Variants in TTPA observed in about 807,000 individuals in gnomAD.
TTPA encodes the protein alpha-tocopherol transfer protein.
In TTPA, 23 loss-of-function variants were observed where a neutral mutation model predicts 25.9. The observed-to-expected ratio is 0.89, with a 90% confidence interval of 0.64 to 1.26. The LOEUF is 1.26. Among genes scored for constraint, TTPA ranks in the 50% most tolerant of loss-of-function variants. The probability of loss-of-function intolerance (pLI) is 0.00; values close to 1 mark genes in which losing one functional copy is unlikely to be tolerated. For synonymous variants in TTPA, 148 were observed against 137.3 expected (o/e 1.08, Z -0.54); for missense variants, 337 against 353.1 (o/e 0.95, Z 0.37).
At chr8:63,070,008 G>A (rs1805459302) in intron 2 of TTPA, among the ~76,000 whole-genome samples, 1 of 152,168 alleles carries the variant, frequency 6.6e-6, no homozygotes, top group Non-Finnish European at 1.5e-5. Context: ...CTGATAGATT[G>A]ATTTAATGCT....
At chr8:63,064,461 G>C in intron 3 of TTPA, 145 bp from the exon 4 acceptor site, 4 of 630,042 alleles carry the variant, frequency 6.3e-6, no homozygotes, top group Non-Finnish European at 1.1e-5. Flanking sequence ...TATTCCATCA[G>C]CACAAAAGCC....
intron 2 of TTPA, among the ~76,000 whole-genome samples, chr8:63,067,793 G>C (rs1563362024): frequency 6.6e-6 from 1 of 152,038 alleles, no homozygotes; most frequent in Non-Finnish European, 1.5e-5. Flanking sequence ...GTCATCTCCA[G>C]TGTCTACTGT....
At chr8:63,076,576 T>A (rs1477345816) in intron 1 of TTPA, among the ~76,000 whole-genome samples, 2 of 152,192 alleles carry the variant, frequency 1.3e-5, no homozygotes, top group Admixed American at 1.3e-4. Context: ...CATGGTACAA[T>A]GAAAACAATT....
intron 1 of TTPA, among the ~76,000 whole-genome samples, chr8:63,074,278 A>C (rs1291864464): frequency 6.6e-6 from 1 of 152,236 alleles, no homozygotes; most frequent in Non-Finnish European, 1.5e-5. Context: ...GGAGGAAGAC[A>C]GAAACTGAGT....
rs537864897 is a variant in TTPA at position 63,063,448 on chromosome 8, T to TA, written c.663+757dup. Among the ~76,000 whole-genome samples the TA allele has an allele frequency of 5.6e-3, 855 of 152,280 alleles. 9 individuals carry two copies. The highest frequency in any genetic ancestry group is 0.02 in the African/African-American group (829 of 41,572). On this transcript the variant is annotated intron_variant, in intron 4 of 4. Transcript: ENST00000260116. ...TACCTCAGTTACCGTGGTTCTCAGT[T>TA]ACACTGAAACCGTTAAGTAGGCTTC...
chr8:63,065,924 T>C lies in TTPA; in HGVS notation c.532A>G (p.Lys178Glu). ...TTTACCGTAAGTACAGCAGCAATCT[T>C]CTTGGCTACGGATGGAGTGATTTGA... ...AFQITPSVAKKIAAVLTDSFP... is the reference protein window; with the variant it reads ...AFQITPSVAKEIAAVLTDSFP... The change falls in exon 3 of 5, where the codon AAG (lysine) becomes GAG (glutamate). Residue 178 changes from lysine (K) to glutamate (E), a missense_variant. Lys to Glu is a moderately conservative substitution (Grantham distance 56). Transcript: ENST00000260116. The C allele has an allele frequency of 1.9e-6, 3 of 1,614,118 alleles. No individual in the cohort carries two copies. The highest frequency in any genetic ancestry group is 1.1e-5 in the South Asian group (1 of 91,082).
chr8:63,074,896 A>G (rs537823880), intron 1 of TTPA, among the ~76,000 whole-genome samples: 82 of 152,324 alleles, frequency 5.4e-4, no homozygotes, highest in African/African-American at 1.9e-3. Context: ...CTGCACACCC[A>G]GGAGATAACA....
rs770760719 is a variant in TTPA, at chr8:63,065,927, T to G, written c.529A>C (p.Lys177Gln). Reference protein sequence around the residue: ...HAFQITPSVAKKIAAVLTDSF... With the variant: ...HAFQITPSVAQKIAAVLTDSF... ...ACCGTAAGTACAGCAGCAATCTTCT[T>G]GGCTACGGATGGAGTGATTTGAAAA... Residue 177 changes from lysine (K) to glutamine (Q), a missense_variant, in exon 3 of 5, where the codon AAG (lysine) becomes CAG (glutamine). Lys to Gln is a moderately conservative substitution (Grantham distance 53, BLOSUM62 1). Coordinates refer to ENST00000260116, the MANE Select transcript of TTPA (RefSeq NM_000370.3). The G allele has an allele frequency of 6.2e-7, 1 of 1,614,112 alleles. No homozygotes were observed. Among genetic ancestry groups the G allele is most frequent in the South Asian group, 1.1e-5 (1 of 91,086 alleles).
chr8:63,062,004 A>AGTTG (rs1805314161), intron 4 of TTPA, among the ~76,000 whole-genome samples: 2 of 152,060 alleles, frequency 1.3e-5, no homozygotes, highest in Admixed American at 1.3e-4. Flanking sequence ...GGAGTTCAAC[A>AGTTG]CCAGCCTGGG....
intron 1 of TTPA, among the ~76,000 whole-genome samples, chr8:63,073,596 A>G (rs181387266): frequency 5.6e-4 from 86 of 152,324 alleles, no homozygotes; most frequent in Non-Finnish European, 1.0e-3. Context: ...TTGAGAGGAC[A>G]TCCTGGATAG....
Position 63,061,554 on chromosome 8 carries a change from T to G in TTPA, c.664-129A>C. ...GTATAAATAGATACCACATCCTTTA[T>G]TCCTCTGGTTATGAATCTAATAATT... On this transcript the variant is annotated intron_variant, in intron 4 of 4. Transcript: ENST00000260116. 4 of 757,350 alleles carry G rather than the reference T, an allele frequency of 5.3e-6. No individual in the cohort carries two copies. In the South Asian group the frequency reaches 6.8e-5, roughly 13 times the overall value. 46.9% of individuals were successfully genotyped at this position (757,350 alleles called of 1,614,324 possible).
intron 2 of TTPA, among the ~76,000 whole-genome samples, chr8:63,071,680 C>T (rs776008712): frequency 2.0e-5 from 3 of 152,060 alleles, no homozygotes; most frequent in Non-Finnish European, 4.4e-5. Context: ...ATGATGAGGT[C>T]ATGAGGATGG....
intron 2 of TTPA, among the ~76,000 whole-genome samples, chr8:63,067,926 T>C (rs1184633669): frequency 6.6e-6 from 1 of 152,214 alleles, no homozygotes. Flanking sequence ...TGCATCCCTG[T>C]TGCTGCAAAG....
At chr8:63,075,090 G>A (rs778001544) in intron 1 of TTPA, among the ~76,000 whole-genome samples, 9 of 152,130 alleles carry the variant, frequency 5.9e-5, no homozygotes, top group Non-Finnish European at 1.0e-4. Flanking sequence ...CAGTATAGCT[G>A]TCATAAATAA....
chr8:63,068,305 G>T (rs937290895), intron 2 of TTPA, among the ~76,000 whole-genome samples: 5 of 152,148 alleles, frequency 3.3e-5, no homozygotes, highest in Admixed American at 3.3e-4. Flanking sequence ...AGTAGAAGAG[G>T]AAATGCCAGA....
chr8:63,083,187 C>A (rs537341254), intron 1 of TTPA, among the ~76,000 whole-genome samples: 6 of 152,278 alleles, frequency 3.9e-5, no homozygotes, highest in African/African-American at 1.4e-4. Context: ...CACATGCACA[C>A]GTATGTTTAC....
rs553649660 is a variant in TTPA at position 63,062,296 on chromosome 8, T to C, written c.664-871A>G. The stretch of plus-strand genomic sequence containing the variant: ...ATATTTTAAACTATAAAATTGATCA[T>C]AGAATGCCCTGAAGTTAAGAGAAAG... On this transcript the variant is annotated intron_variant, in intron 4 of 4. Coordinates refer to ENST00000260116, the MANE Select transcript of TTPA (RefSeq NM_000370.3). 2.0e-5 allele frequency among the ~76,000 whole-genome samples: 3 copies of C among 152,270 alleles called. No individual in the cohort carries two copies. In the South Asian group the frequency reaches 6.2e-4, roughly 32 times the overall value.
chr8:63,079,885 T>A (rs1805633224), intron 1 of TTPA, among the ~76,000 whole-genome samples: 1 of 152,152 alleles, frequency 6.6e-6, no homozygotes, highest in Non-Finnish European at 1.5e-5. Flanking sequence ...CAGCACCACA[T>A]CACACTCATT....
At chr8:63,085,767 A>C (rs1338074896) in intron 1 of TTPA, 51 bp downstream of exon 1, 21 of 1,509,204 alleles carry the variant, frequency 1.4e-5, no homozygotes, top group Non-Finnish European at 1.9e-5. Context: ...GGGGCGGGGG[A>C]CGGGGCGGGT....
Sources: gnomAD v4.1 joint callset for allele counts (sites outside exome capture counted in the v4.1 genomes callset) on GRCh38, gnomAD v4.1.1 for gene constraint, MANE v1.5 for transcripts, NCBI Gene and HGNC (gene_info 2026-07-23, HGNC 2026-07-21) for gene names.